The following RIOK1 variants were observed in gnomAD, a reference collection of about 807,000 sequenced individuals.
RIOK1 encodes the protein serine/threonine-protein kinase RIO1.
In RIOK1, 66 loss-of-function variants were observed where a neutral mutation model predicts 73.5. The observed-to-expected ratio is 0.90, with a 90% CI of 0.74 to 1.10. RIOK1 has a LOEUF of 1.10. Among genes scored for constraint, RIOK1 ranks in the 50% least tolerant of loss-of-function variants. RIOK1 has a pLI of 0.00. For missense variants in RIOK1, 658 were observed against 699.8 expected, an observed-to-expected ratio of 0.94 and a Z score of 0.67; for synonymous variants, 224 against 226.8, an observed-to-expected ratio of 0.99 and a Z score of 0.11.
intron 15 of RIOK1, among the ~76,000 whole-genome samples, chr6:7,413,237 T>C (rs1331825154): frequency 6.6e-6 from 1 of 152,202 alleles, no homozygotes; most frequent in East Asian, 1.9e-4. Flanking sequence ...TCGTCATTTG[T>C]GGAGCTCTTA....
intron 15 of RIOK1, among the ~76,000 whole-genome samples, 175 bp downstream of exon 15, chr6:7,413,117 T>G (rs1203834172): frequency 6.6e-6 from 1 of 152,238 alleles, no homozygotes; most frequent in Non-Finnish European, 1.5e-5. Context: ...AATGCCATTT[T>G]TGTGTTCTTT....
At chr6:7,393,776 A>C (rs1397492769) in intron 2 of RIOK1, among the ~76,000 whole-genome samples, 1 of 152,232 alleles carries the variant, frequency 6.6e-6, no homozygotes, top group Non-Finnish European at 1.5e-5. Flanking sequence ...AAGCTTCAAA[A>C]TACTTTGACT....
At position 7,389,834 on chromosome 6, in the gene RIOK1, G is replaced by T; in HGVS notation, c.-169G>T. 1.6e-6 allele frequency: 1 copy of T among 611,734 alleles called. No individual in the cohort carries two copies. Among genetic ancestry groups the T allele is most frequent in the Admixed American group, 2.9e-5 (1 of 33,902 alleles). The allele number at this position is 611,734 out of a possible 1,614,324, so 37.9% of individuals were successfully genotyped here. A position where few individuals can be genotyped will look rare whatever the true frequency, so the allele number is the denominator to read the frequency against. ...GGCTTCCGGTTGGGGTGGCAGGGTG[G>T]TGGATCTGTCGGTCCCGTTTTCCCG... On this transcript the variant is annotated 5_prime_UTR_variant, in exon 1 of 17. Coordinates refer to ENST00000379834, the MANE Select transcript of RIOK1 (RefSeq NM_031480.3).
intron 16 of RIOK1, among the ~76,000 whole-genome samples, chr6:7,414,955 G>A (rs191589134): frequency 1.7e-4 from 26 of 152,240 alleles, no homozygotes; most frequent in African/African-American, 5.1e-4. Flanking sequence ...TCACACTGTC[G>A]ACACTCCCCA....
At position 7,417,632 on chromosome 6, in the gene RIOK1, TG is replaced by T. The variant is rs1762041475; in HGVS notation, c.*192del. On this transcript the variant is annotated 3_prime_UTR_variant, in exon 17 of 17. Coordinates refer to ENST00000379834, the MANE Select transcript of RIOK1 (RefSeq NM_031480.3). ...AGCTCTAGAGTCTAGATCCAGTCAC[TG>T]ACTCTGTCTGGTGTTGACAGAGGAT... 1.9e-5 allele frequency: 7 copies of T among 374,278 alleles called. No individual in the cohort carries two copies. The Admixed American group carries it at 3.3e-4, about 17-fold the overall frequency. 23.2% of individuals were successfully genotyped at this position (374,278 alleles called of 1,614,324 possible). A position where few individuals can be genotyped will look rare whatever the true frequency, so the allele number is the denominator to read the frequency against.
intron 1 of RIOK1, among the ~76,000 whole-genome samples, chr6:7,390,407 T>C (rs1343615303): frequency 6.6e-6 from 1 of 152,210 alleles, no homozygotes; most frequent in African/African-American, 2.4e-5. Context: ...GCACTTAATA[T>C]GTACCACGTT....
intron 14 of RIOK1, among the ~76,000 whole-genome samples, chr6:7,412,484 G>A (rs1418952134): frequency 2.6e-5 from 4 of 151,902 alleles, no homozygotes; most frequent in Admixed American, 6.6e-5. Context: ...GTGAAACCTC[G>A]TCTCTACTAA....
chr6:7,398,015 G>A (rs753842988), intron 4 of RIOK1, among the ~76,000 whole-genome samples: 5 of 152,254 alleles, frequency 3.3e-5, no homozygotes, highest in East Asian at 3.9e-4. Flanking sequence ...GGCGGCGGGC[G>A]CCTGTAGTCC....
At chr6:7,411,505 T>C in intron 14 of RIOK1, 54 bp downstream of exon 14, 2 of 1,602,648 alleles carry the variant, frequency 1.2e-6, no homozygotes, top group Non-Finnish European at 1.7e-6. Context: ...AGTAGGGGAC[T>C]GTCCCAAACC....
intron 1 of RIOK1, among the ~76,000 whole-genome samples, chr6:7,391,714 C>CATT (rs1235832268): frequency 2.6e-5 from 4 of 152,176 alleles, no homozygotes; most frequent in African/African-American, 9.7e-5. Context: ...GGTGGTGGTA[C>CATT]ATTAGTGGCA....
At chr6:7,416,860 C>T (rs186190463) in intron 16 of RIOK1, among the ~76,000 whole-genome samples, 16 of 152,206 alleles carry the variant, frequency 1.1e-4, no homozygotes, top group South Asian at 4.2e-4. Context: ...CCCCAAGTTC[C>T]TCCACCAACC....
intron 6 of RIOK1, 125 bp from the exon 7 acceptor site, chr6:7,402,478 A>C: frequency 1.6e-6 from 1 of 621,582 alleles, no homozygotes; most frequent in Non-Finnish European, 2.7e-6. Context: ...ACATATTCAA[A>C]AGACAGTGGT....
At chr6:7,416,964 G>A (rs756419339) in intron 16 of RIOK1, among the ~76,000 whole-genome samples, 1 of 151,720 alleles carries the variant, frequency 6.6e-6, no homozygotes, top group Non-Finnish European at 1.5e-5. Flanking sequence ...AATACTCCAG[G>A]TGGGTGCAGT....
In RIOK1 at chr6:7,404,482, G is replaced by A; in HGVS notation, c.919G>A (p.Val307Ile). 6.2e-7 allele frequency: 1 copy of A among 1,614,114 alleles called. No individual in the cohort carries two copies. Among genetic ancestry groups the A allele is most frequent in the South Asian group, 1.1e-5 (1 of 91,078 alleles). The change falls in exon 10 of 17, where the codon GTC (valine) becomes ATC (isoleucine). Residue 307 changes from valine (V) to isoleucine (I), a missense_variant. Physicochemically the swap from Val to Ile is conservative, Grantham distance 29. Coordinates refer to ENST00000379834, the MANE Select transcript of RIOK1 (RefSeq NM_031480.3). ...ESKARELYLQVIQYMRRMYQD... is the reference protein window; with the variant it reads ...ESKARELYLQIIQYMRRMYQD... ...CAAGGCTCGGGAGTTGTACCTGCAG[G>A]TCATTCAGTACATGAGAAGAATGTA...
rs1461352906 is a variant in RIOK1 at position 7,417,435 on chromosome 6, C to G, written c.1701C>G (p.Gly567=). 2 of 1,531,970 alleles carry G rather than the reference C, an allele frequency of 1.3e-6. No individual in the cohort carries two copies. The highest frequency in any genetic ancestry group is 8.8e-7 in the Non-Finnish European group (1 of 1,135,508). 94.9% of individuals were successfully genotyped at this position (1,531,970 alleles called of 1,614,324 possible). A position where few individuals can be genotyped will look rare whatever the true frequency, so the allele number is the denominator to read the frequency against. ...RKEKTAKTKK[G]K is the part of the protein sequence containing the mutation. ...AGAAGACAGCCAAGACGAAAAAAGGCAAATAGAATGAGAACCATATTATGT... is the reference window on the plus strand; with the variant it reads ...AGAAGACAGCCAAGACGAAAAAAGGGAAATAGAATGAGAACCATATTATGT... The change falls in exon 17 of 17, where the codon GGC becomes GGG. Residue 567 remains glycine, a synonymous_variant. Coordinates refer to ENST00000379834, the MANE Select transcript of RIOK1 (RefSeq NM_031480.3).
At chr6:7,405,046 A>G in intron 11 of RIOK1, 25 bp downstream of exon 11, 2 of 1,574,630 alleles carry the variant, frequency 1.3e-6, no homozygotes, top group Non-Finnish European at 1.7e-6. Flanking sequence ...CAATTTTCGA[A>G]ACAGCTCATT....
intron 2 of RIOK1, 55 bp from the exon 3 acceptor site, chr6:7,394,998 G>A: frequency 6.2e-7 from 1 of 1,602,202 alleles, no homozygotes; most frequent in Non-Finnish European, 8.5e-7. Flanking sequence ...ATGTGATGAT[G>A]AATCTTAGGT....
chr6:7,398,884 G>C, intron 5 of RIOK1, 144 bp downstream of exon 5: 2 of 635,178 alleles, frequency 3.1e-6, no homozygotes, highest in South Asian at 4.8e-5. Context: ...TTATAGTTTC[G>C]AGTTTAGAGA....
chr6:7,395,040 A>T lies in RIOK1; in HGVS notation c.277-13A>T, dbSNP rs772728649. ...TTACAGCTAGTGCCTTAGACTCTGG[A>T]ATTCCCTTCTAGGCAAATCGACAGA... On this transcript the variant is annotated splice_polypyrimidine_tract_variant and intron_variant, in intron 2 of 16. Coordinates refer to ENST00000379834, the MANE Select transcript of RIOK1 (RefSeq NM_031480.3). 1.2e-6 allele frequency: 2 copies of T among 1,613,524 alleles called. No homozygotes were observed. The highest frequency in any genetic ancestry group is 2.2e-5 in the South Asian group (2 of 90,964).
Sources: allele counts gnomAD v4.1 joint callset (sites outside exome capture counted in the v4.1 genomes callset), GRCh38; gene constraint gnomAD v4.1.1; transcripts MANE v1.5; gene names NCBI Gene and HGNC (gene_info 2026-07-23, HGNC 2026-07-21).